ESR2: variants seen among roughly 807,000 people sequenced by gnomAD.
The protein encoded by ESR2 is estrogen receptor 2, also known as estrogen receptor beta.
In ESR2, 36 loss-of-function variants were observed where a neutral mutation model predicts 49.6. That is an observed-to-expected ratio of 0.73 (90% CI 0.56 to 0.96). The LOEUF (loss-of-function observed/expected upper bound fraction) is 0.96, where lower values mean the gene tolerates loss of function less well. Among genes scored for constraint, ESR2 ranks in the 40% least tolerant of loss-of-function variants. The pLI is 0.00. For missense variants in ESR2, 714 were observed against 693.0 expected (o/e 1.03, Z -0.34); for synonymous variants, 320 against 266.1 (o/e 1.20, Z -1.97).
intron 5 of ESR2, 71 bp from the exon 6 acceptor site, chr14:64,257,435 A>G: frequency 6.3e-7 from 1 of 1,577,272 alleles, no homozygotes; most frequent in Non-Finnish European, 8.6e-7. Context: ...TAGAGACAGA[A>G]TGGCAAGTGT....
At chr14:64,228,181 T>C, downstream of ESR2, 1 of 638,936 alleles carries the variant, frequency 1.6e-6, no homozygotes, top group Non-Finnish European at 2.3e-6. Flanking sequence ...AGGTGCCCTT[T>C]CCCAGGAAGA....
At chr14:64,236,251 G>A (rs573432280) in intron 7 of ESR2, among the ~76,000 whole-genome samples, 2 of 152,300 alleles carry the variant, frequency 1.3e-5, no homozygotes, top group African/African-American at 4.8e-5. Context: ...CCTCCATAAT[G>A]TCTGATGATA....
chr14:64,241,129 GA>G (rs1179866441), intron 7 of ESR2, among the ~76,000 whole-genome samples: 1 of 125,660 alleles, frequency 8.0e-6, no homozygotes, highest in African/African-American at 3.3e-5. Flanking sequence ...CTGGGCCACA[GA>G]GCGAGACTCC....
chr14:64,232,509 C>G lies in ESR2; in HGVS notation c.*628G>C, dbSNP rs2098728202. 1 of 152,316 alleles carries G rather than the reference C, an allele frequency of 6.6e-6. No individual in the cohort carries two copies. Among genetic ancestry groups the G allele is most frequent in the South Asian group, 2.1e-4 (1 of 4,834 alleles). 9.4% of individuals were successfully genotyped at this position (152,316 alleles called of 1,614,324 possible). A position where few individuals can be genotyped will look rare whatever the true frequency, so the allele number is the denominator to read the frequency against. On this transcript the variant is annotated 3_prime_UTR_variant, in exon 9 of 9. Transcript: ENST00000341099. ...TGAATACAAATCGAGAGGGACAAAT[C>G]TGTGTGCAGCTGGCAGCAAGGTCAG... is the stretch of plus-strand genomic sequence containing the variant.
In ESR2 at chr14:64,241,786, A is replaced by C. The variant is rs372811583; in HGVS notation, c.1226-6636T>G. On this transcript the variant is annotated intron_variant, in intron 7 of 8. Coordinates refer to ENST00000341099, the MANE Select transcript of ESR2 (RefSeq NM_001437.3). ...TGCCCTTACACCTTACAAACTTGCTAAATTCACATTTTTTAGACTCCTTAG... is the reference window on the plus strand; with the variant it reads ...TGCCCTTACACCTTACAAACTTGCTCAATTCACATTTTTTAGACTCCTTAG... 1.2e-4 allele frequency among the ~76,000 whole-genome samples: 19 copies of C among 152,346 alleles called. 2 individuals carry two copies. The East Asian group carries it at 3.1e-3, about 25-fold the overall frequency.
chr14:64,267,442 A>G (rs1341247661), intron 4 of ESR2, among the ~76,000 whole-genome samples: 1 of 152,130 alleles, frequency 6.6e-6, no homozygotes, highest in Non-Finnish European at 1.5e-5. Flanking sequence ...ATCATCAGTG[A>G]CTCTAGGAAG....
intron 1 of ESR2, among the ~76,000 whole-genome samples, chr14:64,333,267 T>C (rs1332002919): frequency 1.3e-5 from 2 of 152,158 alleles, no homozygotes; most frequent in Non-Finnish European, 2.9e-5. Context: ...AAACTAGAAT[T>C]TTCTACCTTA....
chr14:64,310,381 G>A (rs2077173696), intron 1 of ESR2, among the ~76,000 whole-genome samples: 1 of 151,274 alleles, frequency 6.6e-6, no homozygotes, highest in East Asian at 1.9e-4. Context: ...CATCAAATCT[G>A]TTCTTTCCAT....
chr14:64,292,772 TA>T (rs1464711361), intron 1 of ESR2, among the ~76,000 whole-genome samples: 2 of 152,226 alleles, frequency 1.3e-5, no homozygotes, highest in African/African-American at 4.8e-5. Context: ...CAATATCTAT[TA>T]AATGTTAATT....
At chr14:64,318,537 CAAAAA>C (rs58597271) in intron 1 of ESR2, among the ~76,000 whole-genome samples, 94 of 32,418 alleles carry the variant, frequency 2.9e-3, no homozygotes, top group Non-Finnish European at 5.0e-3. Context: ...AACTCCATCT[CAAAAA>C]AAAAAAAAAA....
At position 64,257,292 on chromosome 14, in the gene ESR2, C is replaced by G. The variant is rs553390407; in HGVS notation, c.1025G>C (p.Gly342Ala). The G allele has an allele frequency of 3.7e-6, 6 of 1,613,970 alleles. No individual in the cohort carries two copies. Among genetic ancestry groups the G allele is most frequent in the Non-Finnish European group, 5.1e-6 (6 of 1,180,014 alleles). The change falls in exon 6 of 9, where the codon GGG (glycine) becomes GCG (alanine). Residue 342 changes from glycine (G) to alanine (A), a missense_variant. Gly to Ala is a moderately conservative substitution (Grantham distance 60, BLOSUM62 0). Transcript: ENST00000341099. ...GTGGTCAATTGAGCGCCACATCAGC[C>G]CCATCATTAACACCTCCATCCAACA... ...ESCWMEVLMMGLMWRSIDHPG... is the reference protein window; with the variant it reads ...ESCWMEVLMMALMWRSIDHPG...
chr14:64,315,659 ATT>A (rs1033415277), intron 1 of ESR2, among the ~76,000 whole-genome samples: 5 of 77,242 alleles, frequency 6.5e-5, no homozygotes, highest in Admixed American at 2.6e-4. Flanking sequence ...TATTTTTTGT[ATT>A]TTTTTTTTTT....
downstream of ESR2, chr14:64,227,526 T>G: frequency 6.2e-7 from 1 of 1,614,090 alleles, no homozygotes. Flanking sequence ...CCGAGTTGAT[T>G]AGAGGGTCAC....
chr14:64,252,885 T>C (rs1429389564), intron 6 of ESR2, among the ~76,000 whole-genome samples: 7 of 152,086 alleles, frequency 4.6e-5, no homozygotes, highest in Admixed American at 4.6e-4. Context: ...AGACAGGGTC[T>C]CACCCCGATG....
chr14:64,244,069 C>G (rs997934817), intron 7 of ESR2, among the ~76,000 whole-genome samples: 17 of 152,000 alleles, frequency 1.1e-4, no homozygotes, highest in Non-Finnish European at 2.1e-4. Flanking sequence ...CTGGGTATGT[C>G]TGTGAGAGTG....
At position 64,257,233 on chromosome 14, in the gene ESR2, G is replaced by C. The variant is rs550575939; in HGVS notation, c.1084C>G (p.Leu362Val). The C allele has an allele frequency of 2.5e-6, 4 of 1,614,110 alleles. No individual in the cohort carries two copies. Among genetic ancestry groups the C allele is most frequent in the Non-Finnish European group, 3.4e-6 (4 of 1,180,002 alleles). Residue 362 changes from leucine to valine, a missense_variant, in exon 6 of 9, where the codon CTG becomes GTG. Transcript: ENST00000341099. ...CAATGTATTTTTTCTCACCTGTCCA[G>C]AACAAGATCTGGAGCAAAGATGAGC... ...GKLIFAPDLV[L>V]DRDEGKCVEG...
At chr14:64,235,257 C>T (rs2075571000) in intron 7 of ESR2, 107 bp from the exon 8 acceptor site, 2 of 1,166,976 alleles carry the variant, frequency 1.7e-6, no homozygotes, top group Non-Finnish European at 1.2e-6. Context: ...GTTGCTTTGA[C>T]AGCTGCATGT....
chr14:64,237,675 C>G (rs1470972462), intron 7 of ESR2, among the ~76,000 whole-genome samples: 1 of 152,222 alleles, frequency 6.6e-6, no homozygotes, highest in Non-Finnish European at 1.5e-5. Context: ...AAAATGTGGT[C>G]TATCCATACA....
chr14:64,269,908 A>G (rs1165945170), intron 3 of ESR2, among the ~76,000 whole-genome samples: 1 of 152,216 alleles, frequency 6.6e-6, no homozygotes, highest in Non-Finnish European at 1.5e-5. Context: ...AAAACTGATG[A>G]GGCCAGGAGA....
Sources: allele counts gnomAD v4.1 joint callset (sites outside exome capture counted in the v4.1 genomes callset), GRCh38; gene constraint gnomAD v4.1.1; transcripts MANE v1.5; gene names NCBI Gene and HGNC (gene_info 2026-07-23, HGNC 2026-07-21).